WDR47: variants seen among roughly 807,000 people sequenced by gnomAD.
WDR47 encodes WD repeat domain 47, also known as WD repeat-containing protein 47.
In WDR47, 32 loss-of-function variants were observed where a neutral mutation model predicts 97.2. The ratio of observed to expected loss-of-function variants is 0.33; its 90% CI spans 0.25 to 0.44. WDR47 has a LOEUF of 0.44. Ranked by LOEUF, WDR47 falls within the 20% of genes least tolerant of loss-of-function variation. The probability of loss-of-function intolerance (pLI) is 1.00; values close to 1 mark genes in which losing one functional copy is unlikely to be tolerated. For missense variants in WDR47, 782 were observed against 1,102.3 expected, an observed-to-expected ratio of 0.71 and a Z score of 4.11; for synonymous variants, 375 against 373.5, an observed-to-expected ratio of 1.00 and a Z score of -0.05.
chr1:108,995,667 G>C lies in WDR47; in HGVS notation c.1604C>G (p.Ala535Gly), dbSNP rs113434051. 6.2e-7 allele frequency: 1 copy of C among 1,614,086 alleles called. No individual in the cohort carries two copies. The highest frequency in any genetic ancestry group is 8.5e-7 in the Non-Finnish European group (1 of 1,179,984). The stretch of plus-strand genomic sequence containing the variant: ...AGGAGTGCTTGTATGAATATTTGAA[G>C]CATCATGTGTTAATCTCTGACTAGA... ...QDSSQRLTHD[A>G]SNIHTSTPRN... Residue 535 changes from alanine to glycine, a missense_variant, in exon 8 of 15, where the codon GCT (alanine) becomes GGT (glycine). Coordinates refer to ENST00000369962, the MANE Select transcript of WDR47 (RefSeq NM_001142551.2).
At position 109,010,916 on chromosome 1, in the gene WDR47, C is replaced by T. The variant is rs779724638; in HGVS notation, c.1130G>A (p.Arg377His). 7.5e-6 allele frequency: 12 copies of T among 1,605,160 alleles called. No individual in the cohort carries two copies. The highest frequency in any genetic ancestry group is 5.1e-5 in the Admixed American group (3 of 59,284). Reference sequence around the variant, plus strand: ...CTAATTTTTATAACCAAATGCTTACCGCTCAGGGGATTCTTCGTAAATACT... The same window carrying T: ...CTAATTTTTATAACCAAATGCTTACTGCTCAGGGGATTCTTCGTAAATACT... ...CHSIYEESPE[R>H]DTPVDAQRPI... Residue 377 changes from arginine to histidine, a missense_variant and splice_region_variant, in exon 5 of 15, where the codon CGT becomes CAT. Physicochemically the swap from Arg to His is conservative, Grantham distance 29. Around this residue, in one of 3 missense-constraint regions of WDR47, gnomAD observed 428 missense variants for 584.3 expected, o/e 0.73. Coordinates refer to ENST00000369962, the MANE Select transcript of WDR47 (RefSeq NM_001142551.2).
At chr1:109,010,442 C>T (rs1312539645) in intron 5 of WDR47, among the ~76,000 whole-genome samples, 1 of 151,984 alleles carries the variant, frequency 6.6e-6, no homozygotes, top group Admixed American at 6.6e-5. Flanking sequence ...CCGGTAGTCC[C>T]AGCTACTCAG....
intron 2 of WDR47, among the ~76,000 whole-genome samples, chr1:109,022,966 A>G (rs1661956416): frequency 6.6e-6 from 1 of 151,288 alleles, no homozygotes; most frequent in Non-Finnish European, 1.5e-5. Context: ...GCACTTTGGG[A>G]GGCCAAGGTG....
intron 7 of WDR47, among the ~76,000 whole-genome samples, chr1:108,997,265 AAAAAAAAAAAG>A (rs1235464340): frequency 4.0e-5 from 6 of 151,038 alleles, no homozygotes; most frequent in African/African-American, 7.3e-5. Flanking sequence ...CTCTCCCAAA[AAAAAAAAAAAG>A]AAAAGAAAAA....
intron 5 of WDR47, 61 bp from the exon 6 acceptor site, chr1:109,004,776 TTTAG>T (rs1660469777): frequency 9.9e-6 from 15 of 1,508,468 alleles, no homozygotes; most frequent in South Asian, 1.4e-5. Flanking sequence ...GAAAATATAT[TTTAG>T]TTAGAGAAAT....
chr1:108,996,503 ATC>A (rs1333860510), intron 7 of WDR47, among the ~76,000 whole-genome samples: 2 of 152,222 alleles, frequency 1.3e-5, no homozygotes, highest in East Asian at 3.8e-4. Flanking sequence ...AAAATTGCTC[ATC>A]AACAAAACAA....
intron 5 of WDR47, 36 bp from the exon 6 acceptor site, chr1:109,004,751 G>C: frequency 1.3e-6 from 2 of 1,561,852 alleles, no homozygotes; most frequent in South Asian, 2.5e-5. Flanking sequence ...CAAAAAGGCA[G>C]AGGGGGGAGT....
intron 8 of WDR47, among the ~76,000 whole-genome samples, chr1:108,994,997 C>T (rs1003048075): frequency 6.6e-6 from 1 of 152,160 alleles, no homozygotes; most frequent in African/African-American, 2.4e-5. Flanking sequence ...TCATCTTATA[C>T]ATTTTTTAAT....
chr1:108,988,977 C>T (rs908198574), intron 9 of WDR47, among the ~76,000 whole-genome samples: 5 of 152,204 alleles, frequency 3.3e-5, no homozygotes, highest in African/African-American at 9.6e-5. Flanking sequence ...AGACTGGTCT[C>T]GAACCCCTGA....
intron 7 of WDR47, among the ~76,000 whole-genome samples, chr1:108,998,583 T>A (rs1165308875): frequency 6.6e-6 from 1 of 152,188 alleles, no homozygotes; most frequent in East Asian, 1.9e-4. Flanking sequence ...AATACGCCTA[T>A]TAATTGTCAA....
At chr1:109,030,427 C>A in intron 1 of WDR47, 1 of 350,156 alleles carries the variant, frequency 2.9e-6, no homozygotes, top group Non-Finnish European at 5.0e-6. Flanking sequence ...ATCTGCAATG[C>A]GGTTACTTAA....
At chr1:109,025,711 G>C (rs890618135) in intron 1 of WDR47, among the ~76,000 whole-genome samples, 31 of 152,188 alleles carry the variant, frequency 2.0e-4, no homozygotes, top group African/African-American at 7.5e-4. Context: ...TCCAGCCTGG[G>C]CAATAGAGCC....
At chr1:109,000,436 G>A (rs1660092732) in intron 7 of WDR47, among the ~76,000 whole-genome samples, 1 of 147,746 alleles carries the variant, frequency 6.8e-6, no homozygotes, top group African/African-American at 2.5e-5. Flanking sequence ...TTGAACCTGG[G>A]AGGCGGAGGT....
At chr1:109,037,958 C>A (rs1183625343) in intron 1 of WDR47, among the ~76,000 whole-genome samples, 1 of 151,944 alleles carries the variant, frequency 6.6e-6, no homozygotes, top group African/African-American at 2.4e-5. Context: ...TCAGCCTCCC[C>A]AGTAGCTAGG....
At chr1:108,993,933 C>T (rs1291907409) in intron 8 of WDR47, among the ~76,000 whole-genome samples, 1 of 152,188 alleles carries the variant, frequency 6.6e-6, no homozygotes, top group Admixed American at 6.5e-5. Context: ...TATGGCACTA[C>T]ATGACCCAGT....
intron 1 of WDR47, among the ~76,000 whole-genome samples, chr1:109,024,549 G>A (rs935616807): frequency 1.3e-5 from 2 of 152,088 alleles, no homozygotes; most frequent in South Asian, 2.1e-4. Flanking sequence ...CTTACCTGTA[G>A]GTCTGCTACA....
chr1:109,015,669 A>C (rs1661361745), intron 3 of WDR47, among the ~76,000 whole-genome samples: 1 of 151,688 alleles, frequency 6.6e-6, no homozygotes, highest in Non-Finnish European at 1.5e-5. Flanking sequence ...AAGCTGGCAC[A>C]ACTAGAGGGA....
At chr1:108,982,268 C>G (rs1409505497) in intron 12 of WDR47, among the ~76,000 whole-genome samples, 1 of 152,142 alleles carries the variant, frequency 6.6e-6, no homozygotes, top group Non-Finnish European at 1.5e-5. Flanking sequence ...CATGGTGGCT[C>G]ATGCCTGTAA....
chr1:109,011,613 G>C lies in WDR47; in HGVS notation c.433C>G (p.Arg145Gly). 6.2e-7 allele frequency: 1 copy of C among 1,614,126 alleles called. No individual in the cohort carries two copies. The highest frequency in any genetic ancestry group is 1.6e-4 in the Middle Eastern group (1 of 6,062). ...TTAAACTCGGCATGATTGGTCAGAC[G>C]AGGCAAAGTCAAAAGCAAACAGAGC... Reference protein sequence around the residue: ...SKLCLLLTLPRLTNHAEFKDW... With the variant: ...SKLCLLLTLPGLTNHAEFKDW... Residue 145 changes from arginine to glycine, a missense_variant, in exon 5 of 15, where the codon CGT becomes GGT. By Grantham distance (125) the Arg-to-Gly change is moderately radical. This residue lies in a region of WDR47 where 428 missense variants were observed against 584.3 expected (regional missense o/e 0.73). Transcript: ENST00000369962.
Sources: gnomAD v4.1 joint callset for allele counts (sites outside exome capture counted in the v4.1 genomes callset) on GRCh38, gnomAD v4.1.1 for gene constraint, gnomAD v4.1.1 regional missense constraint, MANE v1.5 for transcripts, NCBI Gene and HGNC (gene_info 2026-07-23, HGNC 2026-07-21) for gene names.